MXD1: variants seen among roughly 807,000 people sequenced by gnomAD.
MXD1 encodes MAX-binding protein.
Under a neutral mutation model 25.7 loss-of-function variants are expected in MXD1, and 9 were observed. That is an observed-to-expected ratio of 0.35 (90% confidence interval 0.21 to 0.61). MXD1 has a LOEUF of 0.61. Among genes scored for constraint, MXD1 ranks in the 20% least tolerant of loss-of-function variants. The pLI, the probability that MXD1 is intolerant of heterozygous loss-of-function variation, is 0.75. For synonymous variants in MXD1, 99 were observed against 113.9 expected, an observed-to-expected ratio of 0.87 and a Z score of 0.83; for missense variants, 227 against 292.4, an observed-to-expected ratio of 0.78 and a Z score of 1.63.
intron 3 of MXD1, among the ~76,000 whole-genome samples, chr2:69,933,878 G>A (rs575236715): frequency 7.9e-5 from 12 of 152,286 alleles, no homozygotes; most frequent in Non-Finnish European, 1.6e-4. Context: ...TCCCAATTCA[G>A]CTGGAGGGGA....
chr2:69,922,340 G>A (rs9309435), intron 3 of MXD1, among the ~76,000 whole-genome samples: 14,530 of 152,116 alleles, frequency 0.096, 2,309 homozygotes, highest in African/African-American at 0.33. Context: ...TCTCTCACCT[G>A]GATTGCCTCT....
chr2:69,935,456 G>A lies in MXD1; in HGVS notation c.309G>A (p.Leu103=), dbSNP rs1161865155. 7 of 1,609,538 alleles carry A rather than the reference G, an allele frequency of 4.3e-6. No homozygotes were observed. The highest frequency in any genetic ancestry group is 6.0e-6 in the Non-Finnish European group (7 of 1,175,870). ...TGAGTTTATTAACAAAAGCCAAATT[G>A]CACATAAAGGTAAGTGTATTGTTGG... ...TTLSLLTKAK[L]HIKKLEDCDR... Residue 103 remains leucine (L), a synonymous_variant, in exon 4 of 6, where the codon TTG becomes TTA. Coordinates refer to ENST00000264444, the MANE Select transcript of MXD1 (RefSeq NM_002357.4).
rs988999349 is a variant in MXD1, at chr2:69,939,454, T to G, written c.*1170T>G. On this transcript the variant is annotated 3_prime_UTR_variant, in exon 6 of 6. Coordinates refer to ENST00000264444, the MANE Select transcript of MXD1 (RefSeq NM_002357.4). The stretch of plus-strand genomic sequence containing the variant: ...TTAAGTGGTCTCCGACTTTGTAGCA[T>G]TTTTATTTAAGCTAAAACAGAGCAC... The G allele has an allele frequency of 6.6e-6, 1 of 152,656 alleles. No homozygotes were observed. The highest frequency in any genetic ancestry group is 2.4e-5 in the African/African-American group (1 of 41,464). The allele number at this position is 152,656 out of a possible 1,614,324, so 9.5% of individuals were successfully genotyped here. A position where few individuals can be genotyped will look rare whatever the true frequency, so the allele number is the denominator to read the frequency against.
rs538160548 is a variant in MXD1, at chr2:69,942,880, C to T, written c.*4596C>T. 2.0e-5 allele frequency: 3 copies of T among 152,286 alleles called. No individual in the cohort carries two copies. In the East Asian group the frequency reaches 5.8e-4, roughly 29 times the overall value. 9.4% of individuals were successfully genotyped at this position (152,286 alleles called of 1,614,324 possible). ...TACTACATGTTTTAGAGAATCTTTG[C>T]TGTGTATATGTAAACTGTATTGTTC... On this transcript the variant is annotated 3_prime_UTR_variant, in exon 6 of 6. Transcript: ENST00000264444.
rs59201689 is a variant in MXD1 at position 69,933,200 on chromosome 2, CAA to C, written c.204-2128_204-2127del. Among the ~76,000 whole-genome samples the C allele has an allele frequency of 7.4e-3, 594 of 80,160 alleles. 7 individuals are homozygous for C. Among genetic ancestry groups the C allele is most frequent in the African/African-American group, 0.021 (497 of 23,736 alleles). 52.6% of individuals were successfully genotyped at this position (80,160 alleles called of 152,430 possible). A position where few individuals can be genotyped will look rare whatever the true frequency, so the allele number is the denominator to read the frequency against. ...GGCGACAAGAGCAAGAACTCTGTCTCAAAAAAAAAAAAAAAAAAAAAAAACAA... is the reference window on the plus strand; with the variant it reads ...GGCGACAAGAGCAAGAACTCTGTCTCAAAAAAAAAAAAAAAAAAAAAACAA... On this transcript the variant is annotated intron_variant, in intron 3 of 5. Coordinates refer to ENST00000264444, the MANE Select transcript of MXD1 (RefSeq NM_002357.4).
At chr2:69,929,012 A>C (rs1171440616) in intron 3 of MXD1, among the ~76,000 whole-genome samples, 2 of 151,950 alleles carry the variant, frequency 1.3e-5, no homozygotes, top group Non-Finnish European at 2.9e-5. Flanking sequence ...TTGTGCCTCA[A>C]CCTCCTGAGT....
In MXD1 at chr2:69,930,384, G is replaced by A. The variant is rs371963792; in HGVS notation, c.204-4967G>A. 8.5e-5 allele frequency among the ~76,000 whole-genome samples: 13 copies of A among 152,196 alleles called. 1 individual carries two copies. The East Asian group carries it at 1.5e-3, about 18-fold the overall frequency. On this transcript the variant is annotated intron_variant, in intron 3 of 5. Coordinates refer to ENST00000264444, the MANE Select transcript of MXD1 (RefSeq NM_002357.4). ...AAGGAGGGAGGCCCAGACTCTTCAG[G>A]ACACTTGCTCCTGCAGCAAGCAGAA...
chr2:69,935,595 C>G, intron 4 of MXD1, 130 bp downstream of exon 4: 1 of 660,620 alleles, frequency 1.5e-6, no homozygotes. Context: ...ACAGGTACCT[C>G]AAATGCAACA....
At chr2:69,924,775 A>T (rs1677139092) in intron 3 of MXD1, among the ~76,000 whole-genome samples, 1 of 152,126 alleles carries the variant, frequency 6.6e-6, no homozygotes, top group Non-Finnish European at 1.5e-5. Flanking sequence ...GAAGAAGAAA[A>T]GACAACTTAG....
intron 3 of MXD1, among the ~76,000 whole-genome samples, chr2:69,929,348 G>A (rs1310089114): frequency 6.6e-6 from 1 of 152,136 alleles, no homozygotes; most frequent in African/African-American, 2.4e-5. Context: ...TTTAATGCAG[G>A]AGGCACTATC....
At chr2:69,936,872 TC>T (rs1677457952) in intron 4 of MXD1, 1 of 427,566 alleles carries the variant, frequency 2.3e-6, no homozygotes, top group African/African-American at 2.0e-5. Flanking sequence ...AGTGCAGTTT[TC>T]TAGTCCGGAG....
chr2:69,933,642 A>G (rs943763513), intron 3 of MXD1, among the ~76,000 whole-genome samples: 3 of 152,194 alleles, frequency 2.0e-5, no homozygotes, highest in Non-Finnish European at 4.4e-5. Context: ...CAGGAGGCTC[A>G]GAAGGAAGGA....
intron 3 of MXD1, among the ~76,000 whole-genome samples, chr2:69,923,327 A>G (rs149791896): frequency 1.3e-5 from 2 of 152,280 alleles, no homozygotes; most frequent in African/African-American, 2.4e-5. Context: ...GCTCCCATCA[A>G]TTTGAAATGC....
At chr2:69,936,009 T>C (rs1381180905) in intron 4 of MXD1, among the ~76,000 whole-genome samples, 1 of 152,066 alleles carries the variant, frequency 6.6e-6, no homozygotes, top group Non-Finnish European at 1.5e-5. Context: ...CACCATCTTG[T>C]TCCCCAATTC....
At position 69,940,278 on chromosome 2, in the gene MXD1, C is replaced by G. The variant is rs909925697; in HGVS notation, c.*1994C>G. 1 of 151,520 alleles carries G rather than the reference C, an allele frequency of 6.6e-6. No homozygotes were observed. Among genetic ancestry groups the G allele is most frequent in the Non-Finnish European group, 1.5e-5 (1 of 68,004 alleles). 9.4% of individuals were successfully genotyped at this position (151,520 alleles called of 1,614,324 possible). A position where few individuals can be genotyped will look rare whatever the true frequency, so the allele number is the denominator to read the frequency against. ...TGGATTTAAGCAGAGTGATAGTGTT[C>G]AAAGAGCCAGTTCAGCCTGTAACAT... On this transcript the variant is annotated 3_prime_UTR_variant, in exon 6 of 6. Transcript: ENST00000264444.
chr2:69,934,522 A>C (rs2104203562), intron 3 of MXD1, among the ~76,000 whole-genome samples: 1 of 152,214 alleles, frequency 6.6e-6, no homozygotes, highest in East Asian at 1.9e-4. Flanking sequence ...AAGTATAAAA[A>C]ATGACTCAGT....
chr2:69,932,553 T>G (rs1305785591), intron 3 of MXD1, among the ~76,000 whole-genome samples: 1 of 152,160 alleles, frequency 6.6e-6, no homozygotes, highest in Non-Finnish European at 1.5e-5. Context: ...TGGTCCTATT[T>G]TTGTAGAACT....
At chr2:69,916,076 A>C (rs1286586746) in intron 1 of MXD1, 45 bp from the exon 2 acceptor site, 1 of 1,037,326 alleles carries the variant, frequency 9.6e-7, no homozygotes, top group Non-Finnish European at 1.5e-6. Flanking sequence ...AGAGAGCATT[A>C]AATATTCTGG....
At chr2:69,927,318 A>G (rs1003825338) in intron 3 of MXD1, among the ~76,000 whole-genome samples, 3 of 152,202 alleles carry the variant, frequency 2.0e-5, no homozygotes, top group African/African-American at 7.2e-5. Flanking sequence ...TTTCTTGACC[A>G]CATTCAGATT....
Sources: gnomAD v4.1 joint callset for allele counts (sites outside exome capture counted in the v4.1 genomes callset) on GRCh38, gnomAD v4.1.1 for gene constraint, MANE v1.5 for transcripts, NCBI Gene and HGNC (gene_info 2026-07-23, HGNC 2026-07-21) for gene names.